ECT2L: variants seen among roughly 807,000 people sequenced by gnomAD.
The protein encoded by ECT2L is epithelial cell-transforming sequence 2 oncogene-like.
In ECT2L, 126 loss-of-function variants were observed where a neutral mutation model predicts 122.8. The ratio of observed to expected loss-of-function variants is 1.03; its 90% CI spans 0.89 to 1.19. ECT2L has a LOEUF of 1.19. Ranked by LOEUF, ECT2L falls within the 50% of genes most tolerant of loss-of-function variation. The pLI, the probability that ECT2L is intolerant of heterozygous loss-of-function variation, is 0.00. For missense variants in ECT2L, 1,012 were observed against 1,064.1 expected (o/e 0.95, Z 0.68); for synonymous variants, 385 against 381.8 (o/e 1.01, Z -0.10).
chr6:138,874,606 A>C (rs1778376270), intron 13 of ECT2L, among the ~76,000 whole-genome samples: 3 of 152,194 alleles, frequency 2.0e-5, no homozygotes. Context: ...GGGGTCCATG[A>C]TGACACCTGA....
intron 14 of ECT2L, 101 bp from the exon 15 acceptor site, chr6:138,880,856 G>T: frequency 2.0e-6 from 2 of 1,000,474 alleles, no homozygotes; most frequent in Non-Finnish European, 3.0e-6. Context: ...CCTTCAACCT[G>T]AACAGCACAA....
chr6:138,814,440 A>G, intron 3 of ECT2L, 51 bp from the exon 4 acceptor site: 1 of 1,171,122 alleles, frequency 8.5e-7, no homozygotes, highest in Non-Finnish European at 1.2e-6. Context: ...CTTAGCAATT[A>G]AAAACAATGA....
intron 1 of ECT2L, among the ~76,000 whole-genome samples, chr6:138,797,898 G>A (rs1478225112): frequency 6.6e-6 from 1 of 152,162 alleles, no homozygotes; most frequent in African/African-American, 2.4e-5. Flanking sequence ...CCCAGGTTGT[G>A]ACTATATGTT....
At chr6:138,810,422 G>A (rs761570746) in intron 1 of ECT2L, among the ~76,000 whole-genome samples, 3 of 152,216 alleles carry the variant, frequency 2.0e-5, no homozygotes, top group Admixed American at 1.3e-4. Context: ...GAAGAAAGAC[G>A]TAGGGTTTGG....
In ECT2L at chr6:138,897,341, T is replaced by TA. The variant is rs1023420971; in HGVS notation, c.2415-3600dup. Among the ~76,000 whole-genome samples the TA allele has an allele frequency of 1.4e-4, 21 of 152,156 alleles. No individual in the cohort carries two copies. In the East Asian group the frequency reaches 3.9e-3, roughly 28 times the overall value. Reference sequence around the variant, plus strand: ...ACATTAAAAAATAAATAAATACAATTAAAAAAACAAATAAAAACCTCATAC... The same window carrying TA: ...ACATTAAAAAATAAATAAATACAATTAAAAAAAACAAATAAAAACCTCATAC... On this transcript the variant is annotated intron_variant, in intron 20 of 21. Coordinates refer to ENST00000541398, the MANE Select transcript of ECT2L (RefSeq NM_001077706.3).
intron 4 of ECT2L, among the ~76,000 whole-genome samples, chr6:138,815,657 G>T (rs1317277018): frequency 6.6e-6 from 1 of 152,228 alleles, no homozygotes; most frequent in Non-Finnish European, 1.5e-5. Context: ...GTGTGAAGTT[G>T]TTTGGGCTTA....
chr6:138,824,073 G>T (rs1186893259), intron 4 of ECT2L, among the ~76,000 whole-genome samples: 1 of 151,862 alleles, frequency 6.6e-6, no homozygotes, highest in African/African-American at 2.4e-5. Flanking sequence ...GAGCTTTGTG[G>T]TGATAATTTT....
rs747065093 is a variant in ECT2L at position 138,882,820 on chromosome 6, A to G, written c.1977A>G (p.Thr659=). 2.5e-6 allele frequency: 4 copies of G among 1,614,206 alleles called. No individual in the cohort carries two copies. The South Asian group carries it at 3.3e-5, about 13-fold the overall frequency. The change falls in exon 16 of 22, where the codon ACA becomes ACG. Residue 659 remains threonine, a synonymous_variant. Transcript: ENST00000541398. ...IVTKFGSQLN[T]YTNFFNNYPV... ...CGAAGTTTGGAAGCCAGTTAAACAC[A>G]TATACCAATTTCTTCAACAATTACC...
At chr6:138,889,954 G>A (rs1467916542) in intron 20 of ECT2L, among the ~76,000 whole-genome samples, 1 of 152,096 alleles carries the variant, frequency 6.6e-6, no homozygotes, top group Non-Finnish European at 1.5e-5. Context: ...TAAAACAAAA[G>A]CAGCTCTATC....
Position 138,846,728 on chromosome 6 carries a change from G to GT in ECT2L, c.903+59dup, listed in dbSNP as rs759832530. The GT allele has an allele frequency of 1.8e-4, 247 of 1,407,048 alleles. 1 individual carries two copies. In the South Asian group the frequency reaches 1.9e-3, roughly 11 times the overall value. 87.2% of individuals were successfully genotyped at this position (1,407,048 alleles called of 1,614,324 possible). ...TGTCCTGATTGTTTTTTTGTTTTTT[G>GT]TTTTTTTTCATCTAGACTAGAGGGT... On this transcript the variant is annotated intron_variant, in intron 8 of 21. Coordinates refer to ENST00000541398, the MANE Select transcript of ECT2L (RefSeq NM_001077706.3).
At chr6:138,873,503 G>A (rs1275761078) in intron 13 of ECT2L, among the ~76,000 whole-genome samples, 1 of 152,218 alleles carries the variant, frequency 6.6e-6, no homozygotes, top group Non-Finnish European at 1.5e-5. Context: ...TTGCTTTAAA[G>A]ACCCTTCCAG....
chr6:138,883,291 G>A (rs1275148078), intron 16 of ECT2L, among the ~76,000 whole-genome samples: 1 of 152,204 alleles, frequency 6.6e-6, no homozygotes, highest in Non-Finnish European at 1.5e-5. Flanking sequence ...TCACTATCAA[G>A]TAAGGAATGT....
chr6:138,880,841 A>G (rs1778620034), intron 14 of ECT2L, 116 bp from the exon 15 acceptor site: 1 of 798,232 alleles, frequency 1.3e-6, no homozygotes, highest in Non-Finnish European at 2.0e-6. Context: ...GCCCCCGTGA[A>G]GTCCCCTTCA....
intron 20 of ECT2L, among the ~76,000 whole-genome samples, chr6:138,889,898 T>C (rs148445037): frequency 1.3e-5 from 2 of 152,300 alleles, no homozygotes. Flanking sequence ...ATTTCAGATT[T>C]TGCTGGCCAA....
intron 12 of ECT2L, among the ~76,000 whole-genome samples, chr6:138,866,667 A>G (rs1778050745): frequency 6.6e-6 from 1 of 152,240 alleles, no homozygotes; most frequent in African/African-American, 2.4e-5. Flanking sequence ...CAATGAGAAG[A>G]AAATGGAAAA....
Position 138,873,872 on chromosome 6 carries a change from CTGTG to C in ECT2L, c.1579-2560_1579-2557del, listed in dbSNP as rs57839466. Reference sequence around the variant, plus strand: ...TACGGATTATCTGTCAAATCCAGGACTGTGTGTGTGTGTGTGTGTGTGTGTGTGT... The same window carrying C: ...TACGGATTATCTGTCAAATCCAGGACTGTGTGTGTGTGTGTGTGTGTGTGT... On this transcript the variant is annotated intron_variant, in intron 13 of 21. Coordinates refer to ENST00000541398, the MANE Select transcript of ECT2L (RefSeq NM_001077706.3). 9.2e-3 allele frequency among the ~76,000 whole-genome samples: 653 copies of C among 71,332 alleles called. 1 individual carries two copies. The highest frequency in any genetic ancestry group is 0.021 in the East Asian group (69 of 3,284). 46.8% of individuals were successfully genotyped at this position (71,332 alleles called of 152,430 possible).
At chr6:138,801,988 A>T (rs1319162481) in intron 1 of ECT2L, among the ~76,000 whole-genome samples, 1 of 152,232 alleles carries the variant, frequency 6.6e-6, no homozygotes, top group Admixed American at 6.5e-5. Flanking sequence ...TGAATCAAAA[A>T]GTGATGGTGT....
chr6:138,883,468 T>C (rs1364252148), intron 16 of ECT2L, among the ~76,000 whole-genome samples: 1 of 152,218 alleles, frequency 6.6e-6, no homozygotes, highest in Non-Finnish European at 1.5e-5. Flanking sequence ...CCCTCCTCAA[T>C]TGGTATCGAA....
At position 138,890,492 on chromosome 6, in the gene ECT2L, C is replaced by CTTTTTTTTTTTTTTTTTTT. The variant is rs552594959; in HGVS notation, c.2414+1471_2414+1489dup. On this transcript the variant is annotated intron_variant, in intron 20 of 21. Coordinates refer to ENST00000541398, the MANE Select transcript of ECT2L (RefSeq NM_001077706.3). ...TCATGACATTTTTGTTTTCTTTGAT[C>CTTTTTTTTTTTTTTTTTTT]TTTTTTTTTTTTTTTTTTTTTTTTT... 7.6e-4 allele frequency among the ~76,000 whole-genome samples: 60 copies of CTTTTTTTTTTTTTTTTTTT among 78,990 alleles called. 6 individuals are homozygous for CTTTTTTTTTTTTTTTTTTT. Among genetic ancestry groups the CTTTTTTTTTTTTTTTTTTT allele is most frequent in the East Asian group, 3.2e-3 (5 of 1,560 alleles). 51.8% of individuals were successfully genotyped at this position (78,990 alleles called of 152,430 possible).
Sources: allele counts gnomAD v4.1 joint callset (sites outside exome capture counted in the v4.1 genomes callset), GRCh38; gene constraint gnomAD v4.1.1; transcripts MANE v1.5; gene names NCBI Gene and HGNC (gene_info 2026-07-23, HGNC 2026-07-21).